The following NUTM1 variants were observed in gnomAD, a reference collection of about 807,000 sequenced individuals.
NUTM1 encodes NUT family member 1.
In NUTM1, 39 loss-of-function variants were observed where a neutral mutation model predicts 88.7. That is an observed-to-expected ratio of 0.44 (90% CI 0.34 to 0.57). The LOEUF is 0.57. Among genes scored for constraint, NUTM1 ranks in the 20% least tolerant of loss-of-function variants. The probability of loss-of-function intolerance (pLI) is 0.01; values close to 1 mark genes in which losing one functional copy is unlikely to be tolerated. For missense variants in NUTM1, 1,350 were observed against 1,414.5 expected, an observed-to-expected ratio of 0.95 and a Z score of 0.73; for synonymous variants, 494 against 538.0, an observed-to-expected ratio of 0.92 and a Z score of 1.13.
chr15:34,343,387 C>A lies in NUTM1; in HGVS notation c.-310C>A. 9.9e-6 allele frequency: 6 copies of A among 608,340 alleles called. No individual in the cohort carries two copies. Among genetic ancestry groups the A allele is most frequent in the Non-Finnish European group, 1.7e-5 (6 of 346,084 alleles). 37.7% of individuals were successfully genotyped at this position (608,340 alleles called of 1,614,324 possible). On this transcript the variant is annotated 5_prime_UTR_variant, in exon 1 of 8. Coordinates refer to ENST00000537011, the MANE Select transcript of NUTM1 (RefSeq NM_001284292.2). ...TGGATAGAATATTGACGTATAGAAG[C>A]CTGTCTTTGTCTCAAGATACACACC...
In NUTM1 at chr15:34,356,057, C is replaced by A; in HGVS notation, c.2049C>A (p.Val683=). The change falls in exon 8 of 8, where the codon GTC becomes GTA. Residue 683 remains valine, a synonymous_variant. Transcript: ENST00000537011. ...PLQGQGLEKQ[V]LGLQKGQQTG... is the part of the protein sequence containing the mutation. ...AAGGACAAGGGTTAGAAAAGCAAGT[C>A]CTGGGATTGCAGAAAGGACAACAAA... 6.2e-7 allele frequency: 1 copy of A among 1,614,044 alleles called. No homozygotes were observed. Among genetic ancestry groups the A allele is most frequent in the Non-Finnish European group, 8.5e-7 (1 of 1,179,962 alleles).
chr15:34,354,868 A>G (rs1213531685), intron 6 of NUTM1, 136 bp downstream of exon 6: 1 of 1,034,466 alleles, frequency 9.7e-7, no homozygotes, highest in East Asian at 2.4e-5. Context: ...TGCATGCATC[A>G]TCATGAGAAT....
chr15:34,347,946 C>T, intron 2 of NUTM1, 23 bp from the exon 3 acceptor site: 1 of 1,495,168 alleles, frequency 6.7e-7, no homozygotes, highest in Non-Finnish European at 9.2e-7. Context: ...TACTCCATTT[C>T]TTCTTTTTCT....
chr15:34,348,509 C>T lies in NUTM1; in HGVS notation c.641C>T (p.Thr214Ile), dbSNP rs761649095. 52 of 1,614,098 alleles carry T rather than the reference C, an allele frequency of 3.2e-5. No individual in the cohort carries two copies. Among genetic ancestry groups the T allele is most frequent in the Non-Finnish European group, 4.2e-5 (49 of 1,180,034 alleles). ...EKAWPGPHGT[T>I]GEGGPVATLS... Reference sequence around the variant, plus strand: ...GCTTGGCCAGGGCCACATGGGACAACCGGGGAAGGAGGTCCTGTGGCCACT... The same window carrying T: ...GCTTGGCCAGGGCCACATGGGACAATCGGGGAAGGAGGTCCTGTGGCCACT... The change falls in exon 3 of 8, where the codon ACC becomes ATC. Residue 214 changes from threonine to isoleucine, a missense_variant. Physicochemically the swap from Thr to Ile is moderately conservative, Grantham distance 89. Around this residue, in one of 5 missense-constraint regions of NUTM1, gnomAD observed 399 missense variants for 397.9 expected, o/e 1.00. Coordinates refer to ENST00000537011, the MANE Select transcript of NUTM1 (RefSeq NM_001284292.2).
At chr15:34,346,218 A>T (rs2140151138) in intron 2 of NUTM1, among the ~76,000 whole-genome samples, 183 bp downstream of exon 2, 1 of 152,290 alleles carries the variant, frequency 6.6e-6, no homozygotes. Context: ...GGACTTCCTT[A>T]AGGACAGATT....
At position 34,357,683 on chromosome 15, in the gene NUTM1, T is replaced by C; in HGVS notation, c.*192T>C. On this transcript the variant is annotated 3_prime_UTR_variant, in exon 8 of 8. Coordinates refer to ENST00000537011, the MANE Select transcript of NUTM1 (RefSeq NM_001284292.2). The stretch of plus-strand genomic sequence containing the variant: ...GGCTAGGCTGCAGGGGGAATTACCT[T>C]TGGAAGGAGCTATATAGAAAAAAAA... 9.7e-7 allele frequency: 1 copy of C among 1,032,796 alleles called. No individual in the cohort carries two copies. The highest frequency in any genetic ancestry group is 1.3e-5 in the South Asian group (1 of 77,114). The allele number at this position is 1,032,796 out of a possible 1,614,324, so 64.0% of individuals were successfully genotyped here. A position where few individuals can be genotyped will look rare whatever the true frequency, so the allele number is the denominator to read the frequency against.
intron 1 of NUTM1, among the ~76,000 whole-genome samples, chr15:34,344,928 C>T (rs1376820143): frequency 6.6e-6 from 1 of 151,210 alleles, no homozygotes; most frequent in African/African-American, 2.4e-5. Context: ...TGAGGCAGGA[C>T]AATGGCGTGA....
intron 1 of NUTM1, 141 bp from the exon 2 acceptor site, chr15:34,345,801 T>C (rs188101325): frequency 8.3e-7 from 1 of 1,199,380 alleles, no homozygotes; most frequent in African/African-American, 1.5e-5. Context: ...GAACCCTTCA[T>C]GGAATATCTG....
At chr15:34,349,481 G>T (rs982324511) in intron 3 of NUTM1, among the ~76,000 whole-genome samples, 1 of 152,106 alleles carries the variant, frequency 6.6e-6, no homozygotes, top group African/African-American at 2.4e-5. Flanking sequence ...AGGTCAAAAC[G>T]TCCTTGCTTA....
Position 34,343,645 on chromosome 15 carries a change from T to C in NUTM1, c.-52T>C. ...AAACTGGTGAAGCATGTTTCAGCGG[T>C]CGAACCAAGATTTAAAGTTAGGTCC... is the stretch of plus-strand genomic sequence containing the variant. On this transcript the variant is annotated 5_prime_UTR_variant, in exon 1 of 8. Coordinates refer to ENST00000537011, the MANE Select transcript of NUTM1 (RefSeq NM_001284292.2). The C allele has an allele frequency of 6.5e-7, 1 of 1,535,282 alleles. No individual in the cohort carries two copies. Among genetic ancestry groups the C allele is most frequent in the East Asian group, 2.4e-5 (1 of 40,918 alleles).
At chr15:34,347,360 C>T (rs1890612032) in intron 2 of NUTM1, among the ~76,000 whole-genome samples, 1 of 151,856 alleles carries the variant, frequency 6.6e-6, no homozygotes, top group South Asian at 2.1e-4. Flanking sequence ...TGGGCTCAAG[C>T]GATCCTCCCA....
rs1391878584 is a variant in NUTM1, at chr15:34,354,524, C to T, written c.1154C>T (p.Pro385Leu). ...CGTAAAGCCCAGAGACCTCCTGCTC[C>T]TGAGGCACCCAAGGAGATCCCACCA... ...RQRKAQRPPA[P>L]EAPKEIPPEA... The change falls in exon 6 of 8, where the codon CCT becomes CTT. Residue 385 changes from proline (P) to leucine (L), a missense_variant. Pro to Leu is a moderately conservative substitution (Grantham distance 98). Coordinates refer to ENST00000537011, the MANE Select transcript of NUTM1 (RefSeq NM_001284292.2). 2 of 1,614,096 alleles carry T rather than the reference C, an allele frequency of 1.2e-6. No individual in the cohort carries two copies. The highest frequency in any genetic ancestry group is 2.7e-5 in the African/African-American group (2 of 74,930).
In NUTM1 at chr15:34,354,450, C is replaced by T. The variant is rs1890761847; in HGVS notation, c.1080C>T (p.Tyr360=). Residue 360 remains tyrosine, a synonymous_variant, in exon 6 of 8, where the codon TAC becomes TAT. Transcript: ENST00000537011. ...CCTGTCCATCTCTTCCCTTAGTGTA[C>T]ATTCCGAAGAAGGCAGCCTCCAAGA... The part of the protein sequence containing the change: ...LASEVCQQPV[Y]IPKKAASKTR... The T allele has an allele frequency of 6.2e-7, 1 of 1,613,822 alleles. No individual in the cohort carries two copies. Among genetic ancestry groups the T allele is most frequent in the African/African-American group, 1.3e-5 (1 of 75,032 alleles).
rs969931980 is a variant in NUTM1, at chr15:34,356,922, A to G, written c.2914A>G (p.Lys972Glu). The G allele has an allele frequency of 3.7e-6, 6 of 1,613,666 alleles. No individual in the cohort carries two copies. Among genetic ancestry groups the G allele is most frequent in the Non-Finnish European group, 5.1e-6 (6 of 1,179,938 alleles). The change falls in exon 8 of 8, where the codon AAA (lysine) becomes GAA (glutamate). Residue 972 changes from lysine (K) to glutamate (E), a missense_variant. By Grantham distance (56) the Lys-to-Glu change is moderately conservative. Transcript: ENST00000537011. ...GGTGGATCCTGATCTGTCCAAGCCT[A>G]AAAACCTTGCTCCTTTACAAGAGAG... ...GRVDPDLSKP[K>E]NLAPLQESQE...
chr15:34,351,381 C>CAA (rs541718460), intron 4 of NUTM1, among the ~76,000 whole-genome samples: 2,247 of 80,942 alleles, frequency 0.028, 32 homozygotes, highest in South Asian at 0.055. Context: ...GACCTCATCA[C>CAA]AAAAAAAAAA....
In NUTM1 at chr15:34,357,010, C is replaced by A. The variant is rs2279683; in HGVS notation, c.3002C>A (p.Thr1001Asn). The stretch of plus-strand genomic sequence containing the variant: ...TCTTCTCACCAGGGCCTTGGAAGCA[C>A]TTTGCCTAGAAGGGGAACCAGGAAT... Reference protein sequence around the residue: ...ATSSHQGLGSTLPRRGTRNAI... With the variant: ...ATSSHQGLGSNLPRRGTRNAI... Residue 1001 changes from threonine (T) to asparagine (N), a missense_variant, in exon 8 of 8, where the codon ACT (threonine) becomes AAT (asparagine). Coordinates refer to ENST00000537011, the MANE Select transcript of NUTM1 (RefSeq NM_001284292.2). The A allele has an allele frequency of 0.065, 104,419 of 1,613,570 alleles. 4,178 individuals carry two copies. Among genetic ancestry groups the A allele is most frequent in the East Asian group, 0.18 (7,873 of 44,858 alleles).
Position 34,355,834 on chromosome 15 carries a change from T to C in NUTM1, c.1826T>C (p.Val609Ala). The change falls in exon 8 of 8, where the codon GTG becomes GCG. Residue 609 changes from valine to alanine, a missense_variant. By Grantham distance (64) the Val-to-Ala change is moderately conservative. This residue lies in a region of NUTM1 where 730 missense variants were observed against 728.8 expected (regional missense o/e 1.00). Coordinates refer to ENST00000537011, the MANE Select transcript of NUTM1 (RefSeq NM_001284292.2). This position sits in a 1 kb window ranked among gnomAD's most constrained non-coding sequence, Gnocchi z 4.3. ...APQGTPGPLG[V>A]ERRGSGKVIN... ...CAGGGAACTCCGGGACCCTTGGGTGTGGAGAGGAGAGGGTCTGGGAAGGTT... is the reference window on the plus strand; with the variant it reads ...CAGGGAACTCCGGGACCCTTGGGTGCGGAGAGGAGAGGGTCTGGGAAGGTT... 1 of 1,614,032 alleles carries C rather than the reference T, an allele frequency of 6.2e-7. No individual in the cohort carries two copies. The highest frequency in any genetic ancestry group is 8.5e-7 in the Non-Finnish European group (1 of 1,179,994).
chr15:34,348,164 T>C lies in NUTM1; in HGVS notation c.296T>C (p.Leu99Ser). ...LMLSAFPSSL[L>S]VTGDGGPCLS... ...CTCTCTGCTTTCCCCAGCTCACTGT[T>C]GGTGACAGGGGATGGGGGCCCTTGC... The change falls in exon 3 of 8, where the codon TTG becomes TCG. Residue 99 changes from leucine (L) to serine (S), a missense_variant. By Grantham distance (145) the Leu-to-Ser change is moderately radical (BLOSUM62 -2). Coordinates refer to ENST00000537011, the MANE Select transcript of NUTM1 (RefSeq NM_001284292.2). 1.2e-6 allele frequency: 2 copies of C among 1,614,190 alleles called. No individual in the cohort carries two copies. Among genetic ancestry groups the C allele is most frequent in the Non-Finnish European group, 1.7e-6 (2 of 1,180,028 alleles).
chr15:34,348,874 AG>A lies in NUTM1; in HGVS notation c.809+199del, dbSNP rs150374382. 6.6e-3 allele frequency among the ~76,000 whole-genome samples: 1,004 copies of A among 152,250 alleles called. 37 individuals are homozygous for A. The highest frequency in any genetic ancestry group is 0.045 in the Admixed American group (689 of 15,296). The stretch of plus-strand genomic sequence containing the variant: ...ACTTCCTAGTTTATAACAACCTTTC[AG>A]GTGTCTTATCTTAAGTGATCCTCAC... On this transcript the variant is annotated intron_variant, in intron 3 of 7. Transcript: ENST00000537011.
Sources: allele counts gnomAD v4.1 joint callset (sites outside exome capture counted in the v4.1 genomes callset), GRCh38; gene constraint gnomAD v4.1.1; regional missense constraint gnomAD v4.1.1; non-coding constraint Gnocchi (gnomAD v3.1); transcripts MANE v1.5; gene names NCBI Gene and HGNC (gene_info 2026-07-23, HGNC 2026-07-21).